Variants in PSEN1 observed in about 807,000 individuals in gnomAD.
PSEN1 encodes presenilin-1.
In PSEN1, 15 loss-of-function variants were observed where a neutral mutation model predicts 53.5. That is an observed-to-expected ratio of 0.28 (90% confidence interval 0.19 to 0.43). PSEN1 has a LOEUF of 0.43. PSEN1 is among the 20% of genes least tolerant of loss of function. The pLI, the probability that PSEN1 is intolerant of heterozygous loss-of-function variation, is 1.00. For synonymous variants in PSEN1, 208 were observed against 209.8 expected (o/e 0.99, Z 0.08); for missense variants, 387 against 571.2 (o/e 0.68, Z 3.29).
chr14:73,159,337 GCA>G (rs1229856765), intron 3 of PSEN1, among the ~76,000 whole-genome samples: 1 of 152,112 alleles, frequency 6.6e-6, no homozygotes, highest in Non-Finnish European at 1.5e-5. Context: ...GTGTGCCACT[GCA>G]CCCAGCTAAT....
chr14:73,173,507 A>G (rs1897951651), intron 4 of PSEN1, 59 bp from the exon 5 acceptor site: 1 of 1,534,554 alleles, frequency 6.5e-7, no homozygotes, highest in South Asian at 1.1e-5. Flanking sequence ...GGAGGTGGTA[A>G]TGTGGTTGGT....
rs545260276 is a variant in PSEN1, at chr14:73,205,440, C to T, written c.869-946C>T. On this transcript the variant is annotated intron_variant, in intron 8 of 11. Coordinates refer to ENST00000324501, the MANE Select transcript of PSEN1 (RefSeq NM_000021.4). ...CTTGCAGTGAGCCGAGATCATGCCA[C>T]TGTACTCCAGCCTGGGTGACAGAGC... is the stretch of plus-strand genomic sequence containing the variant. Among the ~76,000 whole-genome samples the T allele has an allele frequency of 2.3e-3, 339 of 144,354 alleles. 2 individuals carry two copies. In the Middle Eastern group the frequency reaches 0.034, roughly 15 times the overall value. The allele number at this position is 144,354 out of a possible 152,430, so 94.7% of individuals were successfully genotyped here. A position where few individuals can be genotyped will look rare whatever the true frequency, so the allele number is the denominator to read the frequency against.
At chr14:73,160,035 G>A (rs114944042) in intron 3 of PSEN1, 12,919 of 260,872 alleles carry the variant, frequency 0.05, 428 homozygotes, top group East Asian at 0.18. Flanking sequence ...TATTGGCCAG[G>A]CTGATCTCAA....
At chr14:73,146,861 C>T (rs993368201) in intron 1 of PSEN1, among the ~76,000 whole-genome samples, 10 of 152,000 alleles carry the variant, frequency 6.6e-5, no homozygotes, top group Admixed American at 6.6e-4. Flanking sequence ...TTTCTGAAAA[C>T]CTTCTGTGAA....
At chr14:73,203,908 C>T (rs1370585427) in intron 8 of PSEN1, among the ~76,000 whole-genome samples, 3 of 152,184 alleles carry the variant, frequency 2.0e-5, no homozygotes, top group African/African-American at 7.2e-5. Flanking sequence ...AATCCCAGGA[C>T]TTTGGGAGGT....
At chr14:73,160,784 C>T (rs1897506659) in intron 3 of PSEN1, among the ~76,000 whole-genome samples, 1 of 139,324 alleles carries the variant, frequency 7.2e-6, no homozygotes, top group African/African-American at 2.7e-5. Flanking sequence ...TGTTTTTTTC[C>T]AATTGTTTAA....
chr14:73,208,953 T>A (rs1333240670), intron 9 of PSEN1: 1 of 448,048 alleles, frequency 2.2e-6, no homozygotes, highest in South Asian at 1.6e-5. Flanking sequence ...CTCCCTCCCA[T>A]GCTTGTCAGC....
intron 3 of PSEN1, among the ~76,000 whole-genome samples, chr14:73,161,974 G>A (rs944784090): frequency 2.1e-5 from 3 of 145,382 alleles, no homozygotes; most frequent in Non-Finnish European, 4.5e-5. Flanking sequence ...GGCTAACATG[G>A]CGAAACCCCG....
In PSEN1 at chr14:73,148,069, C is replaced by G; in HGVS notation, c.50C>G (p.Ser17Cys). 1 of 1,614,062 alleles carries G rather than the reference C, an allele frequency of 6.2e-7. No homozygotes were observed. The highest frequency in any genetic ancestry group is 8.5e-7 in the Non-Finnish European group (1 of 1,179,934). ...TCCTACTTCCAGAATGCACAGATGT[C>G]TGAGGACAACCACCTGAGCAATACT... ...PLSYFQNAQM[S>C]EDNHLSNTVR... is the part of the protein sequence containing the mutation. Residue 17 changes from serine (S) to cysteine (C), a missense_variant, in exon 3 of 12, where the codon TCT becomes TGT. Ser to Cys is a moderately radical substitution (Grantham distance 112). This residue lies in a region of PSEN1 where 99 missense variants were observed against 101.5 expected (regional missense o/e 0.98). Transcript: ENST00000324501.
chr14:73,202,469 T>TATA (rs1566648467), intron 8 of PSEN1, among the ~76,000 whole-genome samples: 35 of 52,394 alleles, frequency 6.7e-4, no homozygotes, highest in African/African-American at 2.1e-3. Flanking sequence ...TATATTTTTT[T>TATA]TTTTTTTTTT....
chr14:73,178,877 C>A (rs1898121780), intron 5 of PSEN1, among the ~76,000 whole-genome samples: 1 of 152,108 alleles, frequency 6.6e-6, no homozygotes, highest in African/African-American at 2.4e-5. Flanking sequence ...TGCAGTGTTG[C>A]TCAGATCTGC....
In PSEN1 at chr14:73,222,578, G is replaced by A. The variant is rs930218205; in HGVS notation, c.*3289G>A. The A allele has an allele frequency of 1.3e-5, 2 of 152,154 alleles. No homozygotes were observed. The highest frequency in any genetic ancestry group is 4.8e-5 in the African/African-American group (2 of 41,432). The allele number at this position is 152,154 out of a possible 1,614,324, so 9.4% of individuals were successfully genotyped here. ...AGAAAAAGAGCTCAGAAACCACTAT[G>A]AAAAAATTTGTTCAGTGTTTTCTGT... On this transcript the variant is annotated 3_prime_UTR_variant, in exon 12 of 12. Transcript: ENST00000324501.
intron 5 of PSEN1, 146 bp downstream of exon 5, chr14:73,173,853 G>A (rs1897966472): frequency 1.0e-6 from 1 of 987,944 alleles, no homozygotes; most frequent in Non-Finnish European, 1.6e-6. Context: ...CCTCCTCACT[G>A]TGGAACATTC....
In PSEN1 at chr14:73,163,981, A is replaced by T. The variant is rs142982254; in HGVS notation, c.88-6816A>T. Among the ~76,000 whole-genome samples the T allele has an allele frequency of 3.9e-5, 6 of 152,334 alleles. No individual in the cohort carries two copies. The East Asian group carries it at 1.2e-3, about 29-fold the overall frequency. ...AGTGTGGAGAATGGACTAGGGGAGC[A>T]TAAAAGCAGAAAGACCAATTGGAAG... On this transcript the variant is annotated intron_variant, in intron 3 of 11. Coordinates refer to ENST00000324501, the MANE Select transcript of PSEN1 (RefSeq NM_000021.4).
At chr14:73,174,867 C>A (rs1348017404) in intron 5 of PSEN1, among the ~76,000 whole-genome samples, 1 of 152,142 alleles carries the variant, frequency 6.6e-6, no homozygotes. Flanking sequence ...AGCCTCTCCT[C>A]CCCTAGCTCG....
chr14:73,156,000 T>C (rs12883075), intron 3 of PSEN1, among the ~76,000 whole-genome samples: 22,704 of 152,078 alleles, frequency 0.15, 1,894 homozygotes, highest in South Asian at 0.24. Flanking sequence ...GTGGGAACTC[T>C]GTGTACTTTC....
At chr14:73,213,194 C>A (rs1311297593) in intron 10 of PSEN1, among the ~76,000 whole-genome samples, 1 of 152,126 alleles carries the variant, frequency 6.6e-6, no homozygotes, top group Non-Finnish European at 1.5e-5. Flanking sequence ...CTTTAGCTTG[C>A]CTTTGCTGGG....
Position 73,219,178 on chromosome 14 carries a change from A to G in PSEN1, c.1293A>G (p.Ala431=). ...TACTCCTTGCCATTTTCAAGAAAGC[A>G]TTGCCAGCTCTTCCAATCTCCATCA... ...TLLLLAIFKK[A]LPALPISITF... is the part of the protein sequence containing the mutation. Residue 431 remains alanine (A), a synonymous_variant, in exon 12 of 12, where the codon GCA becomes GCG. Transcript: ENST00000324501. 5 of 1,614,076 alleles carry G rather than the reference A, an allele frequency of 3.1e-6. No individual in the cohort carries two copies. The highest frequency in any genetic ancestry group is 4.2e-6 in the Non-Finnish European group (5 of 1,179,890).
At chr14:73,213,968 T>G (rs1566654908) in intron 10 of PSEN1, among the ~76,000 whole-genome samples, 1 of 152,192 alleles carries the variant, frequency 6.6e-6, no homozygotes, top group Non-Finnish European at 1.5e-5. Context: ...ACCCGGTAAT[T>G]CTACTCCTAG....
Sources: gnomAD v4.1 joint callset for allele counts (sites outside exome capture counted in the v4.1 genomes callset) on GRCh38, gnomAD v4.1.1 for gene constraint, gnomAD v4.1.1 regional missense constraint, MANE v1.5 for transcripts, NCBI Gene and HGNC (gene_info 2026-07-23, HGNC 2026-07-21) for gene names.